MYH10: variants seen among roughly 807,000 people sequenced by gnomAD.
MYH10 encodes myosin heavy chain 10.
Under a neutral mutation model 257.8 loss-of-function variants are expected in MYH10, and 55 were observed. The observed-to-expected ratio is 0.21, with a 90% confidence interval of 0.17 to 0.27. MYH10 has a LOEUF of 0.27. Ranked by LOEUF, MYH10 falls within the 10% of genes least tolerant of loss-of-function variation. The pLI, the probability that MYH10 is intolerant of heterozygous loss-of-function variation, is 1.00. For synonymous variants in MYH10, 854 were observed against 921.7 expected, an observed-to-expected ratio of 0.93 and a Z score of 1.33; for missense variants, 1,631 against 2,500.6, an observed-to-expected ratio of 0.65 and a Z score of 7.42.
intron 10 of MYH10, 69 bp from the exon 11 acceptor site, chr17:8,548,477 T>C (rs1183527708): frequency 7.1e-7 from 1 of 1,412,040 alleles, no homozygotes; most frequent in Non-Finnish European, 9.7e-7. Context: ...TATTCTCATT[T>C]ATTTTGTGCT....
At chr17:8,518,218 G>A (rs527274229) in intron 21 of MYH10, among the ~76,000 whole-genome samples, 1 of 151,594 alleles carries the variant, frequency 6.6e-6, no homozygotes, top group Non-Finnish European at 1.5e-5. Context: ...TTGCAGCCTT[G>A]ACCTCCTGGG....
At chr17:8,523,614 G>A (rs544679073) in intron 17 of MYH10, among the ~76,000 whole-genome samples, 2 of 152,144 alleles carry the variant, frequency 1.3e-5, no homozygotes, top group African/African-American at 2.4e-5. Context: ...TATGACACTC[G>A]CACTGGCTGC....
At chr17:8,594,962 C>T (rs1052264815) in intron 3 of MYH10, among the ~76,000 whole-genome samples, 7 of 152,276 alleles carry the variant, frequency 4.6e-5, no homozygotes, top group South Asian at 2.1e-4. Context: ...GTGGGACCCA[C>T]GAATACAGAG....
chr17:8,529,526 C>T (rs1261296173), intron 17 of MYH10, among the ~76,000 whole-genome samples: 1 of 152,240 alleles, frequency 6.6e-6, no homozygotes, highest in Non-Finnish European at 1.5e-5. Context: ...CATTCCCCAA[C>T]GCCAAAGAGG....
chr17:8,549,316 G>T (rs2082545464), intron 9 of MYH10, among the ~76,000 whole-genome samples: 1 of 152,230 alleles, frequency 6.6e-6, no homozygotes, highest in Admixed American at 6.5e-5. Flanking sequence ...CTCCAAGCCA[G>T]CTTGCTTGGT....
chr17:8,586,022 T>C (rs1466035814), intron 4 of MYH10, among the ~76,000 whole-genome samples: 1 of 152,098 alleles, frequency 6.6e-6, no homozygotes. Context: ...TAAGGAAACA[T>C]CATCTAAACT....
intron 4 of MYH10, among the ~76,000 whole-genome samples, chr17:8,577,909 G>T (rs541237278): frequency 6.6e-6 from 1 of 152,048 alleles, no homozygotes; most frequent in African/African-American, 2.4e-5. Flanking sequence ...CCTTGGGGGT[G>T]GGGGGGTTCT....
Position 8,561,280 on chromosome 17 carries a change from C to T in MYH10, c.757-7262G>A, listed in dbSNP as rs934494681. On this transcript the variant is annotated intron_variant, in intron 7 of 42. Transcript: ENST00000360416. ...GTCGTGCTGAAAAGGGCCGCGGCCA[C>T]GTGCAGGCTATTCGCTGCACTAACT... is the stretch of plus-strand genomic sequence containing the variant. 1.0e-4 allele frequency: 104 copies of T among 1,033,754 alleles called. No homozygotes were observed. The African/African-American group carries it at 1.3e-3, about 13-fold the overall frequency. 64.0% of individuals were successfully genotyped at this position (1,033,754 alleles called of 1,614,324 possible).
intron 6 of MYH10, among the ~76,000 whole-genome samples, chr17:8,575,416 G>T (rs955061975): frequency 6.6e-6 from 1 of 152,218 alleles, no homozygotes; most frequent in African/African-American, 2.4e-5. Context: ...TTCTGGTCCA[G>T]ATTTTCCTTC....
At chr17:8,597,839 C>T (rs935350019) in intron 3 of MYH10, among the ~76,000 whole-genome samples, 1 of 151,616 alleles carries the variant, frequency 6.6e-6, no homozygotes, top group South Asian at 2.1e-4. Flanking sequence ...AGGCTGGTCT[C>T]GAACTCCTGA....
At chr17:8,611,910 C>T (rs984982349) in intron 2 of MYH10, among the ~76,000 whole-genome samples, 3 of 152,202 alleles carry the variant, frequency 2.0e-5, no homozygotes, top group Non-Finnish European at 4.4e-5. Flanking sequence ...AAAACCACTA[C>T]AATCTCCAAG....
chr17:8,526,956 C>G (rs894629451), intron 17 of MYH10, among the ~76,000 whole-genome samples: 1 of 152,128 alleles, frequency 6.6e-6, no homozygotes, highest in Admixed American at 6.5e-5. Flanking sequence ...CAGCATCACG[C>G]GCTCCTCATG....
chr17:8,584,288 G>C (rs927708689), intron 4 of MYH10, among the ~76,000 whole-genome samples: 4 of 152,166 alleles, frequency 2.6e-5, no homozygotes, highest in Admixed American at 1.3e-4. Flanking sequence ...TCCTTTTGGG[G>C]GAAAAGCAAA....
intron 8 of MYH10, among the ~76,000 whole-genome samples, chr17:8,553,595 T>A (rs544462326): frequency 6.6e-6 from 1 of 152,344 alleles, no homozygotes; most frequent in South Asian, 2.1e-4. Flanking sequence ...TGTAATCTTA[T>A]AAGGATGTTT....
At chr17:8,592,437 C>T (rs1052136863) in intron 3 of MYH10, among the ~76,000 whole-genome samples, 1 of 152,040 alleles carries the variant, frequency 6.6e-6, no homozygotes, top group African/African-American at 2.4e-5. Flanking sequence ...AGGACACAAA[C>T]TGCCAATATC....
chr17:8,583,937 G>T (rs906240474), intron 4 of MYH10, among the ~76,000 whole-genome samples: 1 of 152,130 alleles, frequency 6.6e-6, no homozygotes, highest in Admixed American at 6.5e-5. Flanking sequence ...TCTTTAAAAG[G>T]GGGGTTTAAG....
At position 8,476,862 on chromosome 17, in the gene MYH10, G is replaced by C; in HGVS notation, c.5879+14C>G. 6.3e-7 allele frequency: 1 copy of C among 1,598,486 alleles called. No homozygotes were observed. Among genetic ancestry groups the C allele is most frequent in the Non-Finnish European group, 8.5e-7 (1 of 1,174,214 alleles). ...AGCAGCTGCCTGTCAGCTCGGGGCC[G>C]CATGCCTGCTCACCTCAGCCGGTTC... On this transcript the variant is annotated intron_variant, in intron 42 of 42. Coordinates refer to ENST00000360416, the MANE Select transcript of MYH10 (RefSeq NM_001256012.3).
rs1917162386 is a variant in MYH10 at position 8,499,343 on chromosome 17, T to C, written c.3878A>G (p.Gln1293Arg). The change falls in exon 30 of 43, where the codon CAG becomes CGG. Residue 1293 changes from glutamine to arginine, a missense_variant. Gln to Arg is a conservative substitution (Grantham distance 43, BLOSUM62 1). Around this residue, in one of 11 missense-constraint regions of MYH10, gnomAD observed 463 missense variants for 621.8 expected, o/e 0.74. Transcript: ENST00000360416. ...TTCAGAGACCTTGGCATGGAGCTCC[T>C]GGACCTGCGCGTCGAGCTTCTTCCT... The part of the protein sequence containing the change: ...HKRKKLDAQV[Q>R]ELHAKVSEGD... The C allele has an allele frequency of 6.2e-7, 1 of 1,614,164 alleles. No individual in the cohort carries two copies. The highest frequency in any genetic ancestry group is 8.5e-7 in the Non-Finnish European group (1 of 1,180,028).
At chr17:8,540,210 C>T (rs560766667) in intron 14 of MYH10, among the ~76,000 whole-genome samples, 3 of 152,174 alleles carry the variant, frequency 2.0e-5, no homozygotes, top group East Asian at 1.9e-4. Context: ...AGATTGGTCT[C>T]GACCTCCTGA....
Sources: gnomAD v4.1 joint callset for allele counts (sites outside exome capture counted in the v4.1 genomes callset) on GRCh38, gnomAD v4.1.1 for gene constraint, gnomAD v4.1.1 regional missense constraint, MANE v1.5 for transcripts, NCBI Gene and HGNC (gene_info 2026-07-23, HGNC 2026-07-21) for gene names.